The following RHOBTB1 variants were observed in gnomAD, a reference collection of about 807,000 sequenced individuals.
RHOBTB1 encodes the protein rho-related BTB domain-containing protein 1.
In RHOBTB1, 40 loss-of-function variants were observed where a neutral mutation model predicts 71.6. The observed-to-expected ratio is 0.56, with a 90% CI of 0.43 to 0.73. The LOEUF (loss-of-function observed/expected upper bound fraction) is 0.73, where lower values mean the gene tolerates loss of function less well. RHOBTB1 is among the 30% of genes least tolerant of loss of function. The pLI, the probability that RHOBTB1 is intolerant of heterozygous loss-of-function variation, is 0.00. For missense variants in RHOBTB1, 797 were observed against 894.0 expected (o/e 0.89, Z 1.38); for synonymous variants, 319 against 334.9 (o/e 0.95, Z 0.52).
intron 2 of RHOBTB1, among the ~76,000 whole-genome samples, chr10:60,918,539 C>T (rs912864792): frequency 9.9e-5 from 15 of 152,082 alleles, no homozygotes; most frequent in Non-Finnish European, 2.1e-4. Context: ...AGTGTAGGGC[C>T]ACTAATTGAT....
At chr10:60,880,113 G>T (rs968375863) in intron 7 of RHOBTB1, among the ~76,000 whole-genome samples, 4 of 151,536 alleles carry the variant, frequency 2.6e-5, no homozygotes, top group African/African-American at 9.7e-5. Context: ...AGCACTCATG[G>T]ATTTGGCTGT....
intron 2 of RHOBTB1, among the ~76,000 whole-genome samples, chr10:60,912,277 C>T (rs1358067930): frequency 1.3e-5 from 2 of 151,874 alleles, no homozygotes; most frequent in Admixed American, 6.6e-5. Context: ...ACCCAGGCTA[C>T]AGCACAAGCA....
upstream of RHOBTB1, among the ~76,000 whole-genome samples, chr10:60,945,743 C>T (rs2085198930): frequency 6.6e-6 from 1 of 152,152 alleles, no homozygotes; most frequent in African/African-American, 2.4e-5. Flanking sequence ...TTTGTTTAAG[C>T]CATTCCCACG....
intron 1 of RHOBTB1, among the ~76,000 whole-genome samples, chr10:60,987,792 AC>A (rs1479408181): frequency 6.6e-6 from 1 of 151,666 alleles, no homozygotes; most frequent in Non-Finnish European, 1.5e-5. Context: ...TTTCCACATA[AC>A]CTTTGCAGAC....
intron 4 of RHOBTB1, among the ~76,000 whole-genome samples, chr10:60,908,220 T>A (rs886668815): frequency 1.3e-5 from 2 of 152,204 alleles, no homozygotes; most frequent in African/African-American, 4.8e-5. Flanking sequence ...AAAGAATGTT[T>A]GAGGGGCAAC....
Position 60,961,919 on chromosome 10 carries a change from T to C in RHOBTB1, c.-61-20065A>G, listed in dbSNP as rs966494668. 4.6e-5 allele frequency among the ~76,000 whole-genome samples: 7 copies of C among 151,942 alleles called. No homozygotes were observed. In the South Asian group the frequency reaches 8.3e-4, roughly 18 times the overall value. On this transcript the variant is annotated intron_variant, in intron 2 of 11. Transcript: ENST00000357917. ...CGCTCCTGGGTTCAAATGATTCTCC[T>C]GCTCCAGCCTCCTGAGTAGCTGGGA...
chr10:60,975,364 A>G (rs2086282289), intron 2 of RHOBTB1, among the ~76,000 whole-genome samples: 1 of 152,024 alleles, frequency 6.6e-6, no homozygotes, highest in Non-Finnish European at 1.5e-5. Flanking sequence ...TCCTTGTCCT[A>G]TCAATTGTTG....
At chr10:61,000,597 T>C (rs958507202) in intron 1 of RHOBTB1, among the ~76,000 whole-genome samples, 3 of 152,236 alleles carry the variant, frequency 2.0e-5, no homozygotes, top group African/African-American at 7.2e-5. Context: ...CACCAGTGAT[T>C]ACTTCTCTTA....
chr10:60,898,681 G>A (rs536838924), intron 4 of RHOBTB1, among the ~76,000 whole-genome samples: 7 of 152,186 alleles, frequency 4.6e-5, no homozygotes, highest in Admixed American at 1.3e-4. Context: ...TACCAATAGC[G>A]TGAGGCTTCT....
intron 2 of RHOBTB1, among the ~76,000 whole-genome samples, chr10:60,925,504 TTATAA>T (rs2083818286): frequency 6.6e-6 from 1 of 151,838 alleles, no homozygotes; most frequent in East Asian, 1.9e-4. Context: ...ATAAACAACC[TTATAA>T]TATATCGTAA....
At chr10:60,976,975 T>C (rs942603146) in intron 2 of RHOBTB1, among the ~76,000 whole-genome samples, 17 of 152,054 alleles carry the variant, frequency 1.1e-4, no homozygotes, top group South Asian at 2.1e-4. Context: ...GGGCAGGGAC[T>C]CCTTGCAATA....
rs548591624 is a variant in RHOBTB1, at chr10:60,973,330, G to A, written c.-62+12515C>T. Reference sequence around the variant, plus strand: ...ATCACAGAGCTAGGAGATCATCAGGGGGTCATTTAGTTTATCTTTCTGTCT... The same window carrying A: ...ATCACAGAGCTAGGAGATCATCAGGAGGTCATTTAGTTTATCTTTCTGTCT... On this transcript the variant is annotated intron_variant, in intron 2 of 11. Coordinates refer to the RHOBTB1 transcript ENST00000357917. 1.8e-3 allele frequency among the ~76,000 whole-genome samples: 267 copies of A among 152,094 alleles called. 1 individual carries two copies. Among genetic ancestry groups the A allele is most frequent in the African/African-American group, 5.6e-3 (234 of 41,518 alleles).
chr10:60,880,176 A>ACT (rs200075471), intron 7 of RHOBTB1, among the ~76,000 whole-genome samples: 5,004 of 94,410 alleles, frequency 0.053, 125 homozygotes, highest in African/African-American at 0.13. Flanking sequence ...CTGAGGGATG[A>ACT]CTGTGTGTGT....
chr10:60,891,877 A>G (rs1314409668), intron 5 of RHOBTB1, among the ~76,000 whole-genome samples: 3 of 152,146 alleles, frequency 2.0e-5, no homozygotes, highest in Non-Finnish European at 4.4e-5. Flanking sequence ...ACCTGGTGAA[A>G]GGTAACTGAA....
chr10:60,910,981 G>T lies in RHOBTB1; in HGVS notation c.202C>A (p.Arg68Ser). The T allele has an allele frequency of 6.2e-7, 1 of 1,613,534 alleles. No individual in the cohort carries two copies. The highest frequency in any genetic ancestry group is 8.5e-7 in the Non-Finnish European group (1 of 1,179,680). Residue 68 changes from arginine to serine, a missense_variant, in exon 4 of 11, where the codon CGT becomes AGT. Arg to Ser is a moderately radical substitution (Grantham distance 110). Transcript: ENST00000337910. ...ACTTCATCAACAACATCCCGAGAAC[G>T]CTCCAAGACCTGCAGGAGAGAGAGA... ...QYRVCQEVLE[R>S]SRDVVDEVSV... is the part of the protein sequence containing the mutation.
At chr10:60,928,330 CA>C (rs59082796) in intron 2 of RHOBTB1, among the ~76,000 whole-genome samples, 80,741 of 146,658 alleles carry the variant, frequency 0.55, 21,937 homozygotes, top group East Asian at 0.78. Flanking sequence ...ATATCCAAAA[CA>C]AAAAAAAAAA....
intron 2 of RHOBTB1, among the ~76,000 whole-genome samples, chr10:60,916,402 G>T (rs1352750194): frequency 6.6e-6 from 1 of 152,182 alleles, no homozygotes; most frequent in Non-Finnish European, 1.5e-5. Context: ...TTATGAATGA[G>T]CCCAGGTGAA....
the RHOBTB1 span, among the ~76,000 whole-genome samples, chr10:60,862,258 C>T: frequency 2.0e-5 from 3 of 151,626 alleles, no homozygotes; most frequent in Admixed American, 6.6e-5. Context: ...ACTGCAGTGG[C>T]GTGATCTCGG....
At chr10:60,976,460 G>A (rs896915593) in intron 2 of RHOBTB1, among the ~76,000 whole-genome samples, 2 of 151,766 alleles carry the variant, frequency 1.3e-5, no homozygotes, top group Non-Finnish European at 2.9e-5. Context: ...ATCTAACTCC[G>A]AGTTAAGAAA....
Sources: allele counts gnomAD v4.1 joint callset (sites outside exome capture counted in the v4.1 genomes callset), GRCh38; gene constraint gnomAD v4.1.1; transcripts MANE v1.5; gene names NCBI Gene and HGNC (gene_info 2026-07-23, HGNC 2026-07-21).